NEK11: variants seen among roughly 807,000 people sequenced by gnomAD.
The protein encoded by NEK11 is NIMA related kinase 11, also known as serine/threonine-protein kinase Nek11.
NEK11 carries 72 observed loss-of-function variants against 80.7 expected under a neutral mutation model. The ratio of observed to expected loss-of-function variants is 0.89; its 90% CI spans 0.74 to 1.08. The LOEUF is 1.08. Ranked by LOEUF, NEK11 falls within the 50% of genes least tolerant of loss-of-function variation. NEK11 has a pLI of 0.00. For synonymous variants in NEK11, 251 were observed against 260.7 expected (o/e 0.96, Z 0.36); for missense variants, 764 against 763.6 (o/e 1.00, Z -0.01).
intron 5 of NEK11, 94 bp from the exon 6 acceptor site, chr3:131,132,651 G>A: frequency 4.6e-6 from 3 of 651,218 alleles, no homozygotes; most frequent in Non-Finnish European, 2.7e-6. Flanking sequence ...ATATATTTAT[G>A]TGTAAATCAT....
intron 5 of NEK11, among the ~76,000 whole-genome samples, chr3:131,120,831 G>T (rs1360116108): frequency 1.3e-5 from 2 of 152,084 alleles, no homozygotes; most frequent in African/African-American, 4.8e-5. Flanking sequence ...AGTTCCATCA[G>T]GTCATTTAAG....
intron 17 of NEK11, among the ~76,000 whole-genome samples, chr3:131,285,203 A>G (rs1420523990): frequency 6.6e-6 from 1 of 152,190 alleles, no homozygotes. Flanking sequence ...GGAGGCTCTG[A>G]GATGATTTTC....
intron 5 of NEK11, among the ~76,000 whole-genome samples, chr3:131,112,523 T>C (rs1320949192): frequency 6.6e-6 from 1 of 152,198 alleles, no homozygotes; most frequent in East Asian, 1.9e-4. Context: ...TTGATATATA[T>C]GTAAAAAATC....
intron 5 of NEK11, among the ~76,000 whole-genome samples, chr3:131,123,854 T>A (rs962435801): frequency 3.9e-5 from 6 of 152,096 alleles, no homozygotes; most frequent in Admixed American, 3.9e-4. Flanking sequence ...CTTAAGACAC[T>A]CTTAATTGCA....
At chr3:131,323,773 G>A (rs1323866101) in intron 17 of NEK11, among the ~76,000 whole-genome samples, 2 of 152,180 alleles carry the variant, frequency 1.3e-5, no homozygotes, top group Non-Finnish European at 2.9e-5. Context: ...TATTGCTGTA[G>A]CACCATTTTT....
At chr3:131,105,021 C>G (rs1473759901) in intron 4 of NEK11, among the ~76,000 whole-genome samples, 1 of 152,220 alleles carries the variant, frequency 6.6e-6, no homozygotes, top group Admixed American at 6.5e-5. Flanking sequence ...TTTGATGAAT[C>G]AAAACATGGC....
intron 4 of NEK11, among the ~76,000 whole-genome samples, chr3:131,089,475 A>T (rs1455082897): frequency 6.6e-6 from 1 of 152,126 alleles, no homozygotes; most frequent in Non-Finnish European, 1.5e-5. Context: ...GTCTTGCTCT[A>T]TTGCCCAGTC....
chr3:131,333,502 A>G (rs1183655084), intron 17 of NEK11, among the ~76,000 whole-genome samples: 5 of 152,222 alleles, frequency 3.3e-5, no homozygotes, highest in East Asian at 3.8e-4. Context: ...GGTACCAGCC[A>G]CTGCAAAATC....
intron 3 of NEK11, among the ~76,000 whole-genome samples, chr3:131,076,176 C>A (rs2074321553): frequency 6.6e-6 from 1 of 152,094 alleles, no homozygotes; most frequent in African/African-American, 2.4e-5. Flanking sequence ...ACTCACAGCC[C>A]AGGGATCTGC....
At position 131,029,835 on chromosome 3, in the gene NEK11, G is replaced by C. The variant is rs140058289; in HGVS notation, c.127G>C (p.Val43Leu). Residue 43 changes from valine (V) to leucine (L), a missense_variant, in exon 3 of 18, where the codon GTC becomes CTC. Transcript: ENST00000383366. The part of the protein sequence containing the change: ...QKLGSGSFGT[V>L]YLVSDKKAKR... ...ACTTGGCAGTGGAAGTTTTGGAACTGTCTATCTGGTTTCAGACAAGAAAGC... is the reference window on the plus strand; with the variant it reads ...ACTTGGCAGTGGAAGTTTTGGAACTCTCTATCTGGTTTCAGACAAGAAAGC... 2,943 of 1,614,232 alleles carry C rather than the reference G, an allele frequency of 1.8e-3. 78 individuals are homozygous for C. In the Admixed American group the frequency reaches 0.044, roughly 24 times the overall value.
chr3:131,311,647 A>G (rs1481211247), intron 17 of NEK11, among the ~76,000 whole-genome samples: 1 of 152,240 alleles, frequency 6.6e-6, no homozygotes, highest in East Asian at 1.9e-4. Context: ...TGAGTGAATA[A>G]TGTTAGAAAC....
At position 131,189,117 on chromosome 3, in the gene NEK11, G is replaced by A. The variant is rs749279550; in HGVS notation, c.1399+18230G>A. Among the ~76,000 whole-genome samples the A allele has an allele frequency of 2.6e-5, 4 of 152,264 alleles. No homozygotes were observed. The East Asian group carries it at 5.8e-4, about 22-fold the overall frequency. ...CAAGGATTGCCAACAGCCACCAGAA[G>A]CTAGGAAGGAGGGGAGGCCTGGAAC... is the stretch of plus-strand genomic sequence containing the variant. On this transcript the variant is annotated intron_variant, in intron 14 of 17. Transcript: ENST00000383366.
chr3:131,325,087 G>A (rs1056983029), intron 17 of NEK11: 8 of 152,278 alleles, frequency 5.3e-5, no homozygotes, highest in African/African-American at 1.7e-4. Context: ...ACACATCCAA[G>A]GAGATGTATG....
chr3:131,152,372 T>C lies in NEK11; in HGVS notation c.648-16T>C, dbSNP rs370179098. On this transcript the variant is annotated splice_polypyrimidine_tract_variant and intron_variant, in intron 7 of 17. Coordinates refer to ENST00000383366, the MANE Select transcript of NEK11 (RefSeq NM_024800.5). ...GATATTTGTTCCTTATTTAAATTCT[T>C]TGACTTTGTCTTCAGGTCACTGGCA... 1.0e-4 allele frequency: 163 copies of C among 1,572,114 alleles called. No homozygotes were observed. The highest frequency in any genetic ancestry group is 1.4e-4 in the Non-Finnish European group (160 of 1,161,452).
chr3:131,035,016 T>C (rs1056128458), intron 3 of NEK11, among the ~76,000 whole-genome samples: 1 of 152,198 alleles, frequency 6.6e-6, no homozygotes, highest in African/African-American at 2.4e-5. Context: ...TTGGTCTTTG[T>C]CTAAATATGG....
intron 5 of NEK11, among the ~76,000 whole-genome samples, chr3:131,116,514 T>C (rs2081259422): frequency 6.6e-6 from 1 of 152,228 alleles, no homozygotes; most frequent in African/African-American, 2.4e-5. Context: ...CTGGGTCAAA[T>C]GGTATTTCTA....
chr3:131,208,207 A>T (rs959029441), intron 14 of NEK11, among the ~76,000 whole-genome samples: 2 of 152,196 alleles, frequency 1.3e-5, no homozygotes, highest in African/African-American at 4.8e-5. Context: ...TCCCAGCACC[A>T]TTTATTAAAT....
intron 5 of NEK11, among the ~76,000 whole-genome samples, chr3:131,131,833 T>A (rs2084542747): frequency 6.6e-6 from 1 of 152,066 alleles, no homozygotes; most frequent in South Asian, 2.1e-4. Flanking sequence ...AATATATATA[T>A]TCAGTGCTGT....
intron 17 of NEK11, among the ~76,000 whole-genome samples, chr3:131,301,796 T>G (rs983004825): frequency 3.3e-5 from 5 of 152,076 alleles, no homozygotes; most frequent in African/African-American, 1.2e-4. Flanking sequence ...TTATCCTGGA[T>G]TTTTGCATCT....
Sources: gnomAD v4.1 joint callset for allele counts (sites outside exome capture counted in the v4.1 genomes callset) on GRCh38, gnomAD v4.1.1 for gene constraint, MANE v1.5 for transcripts, NCBI Gene and HGNC (gene_info 2026-07-23, HGNC 2026-07-21) for gene names.